The following ATXN2 variants were observed in gnomAD, a reference collection of about 807,000 sequenced individuals.
ATXN2 encodes ataxin 2.
ATXN2 carries 37 observed loss-of-function variants against 138.6 expected under a neutral mutation model. The observed-to-expected ratio is 0.27, with a 90% confidence interval of 0.21 to 0.35. The LOEUF (loss-of-function observed/expected upper bound fraction) is 0.35, where lower values mean the gene tolerates loss of function less well. ATXN2 is among the 10% of genes least tolerant of loss of function. The pLI, the probability that ATXN2 is intolerant of heterozygous loss-of-function variation, is 1.00. For synonymous variants in ATXN2, 549 were observed against 543.7 expected (o/e 1.01, Z -0.13); for missense variants, 1,216 against 1,480.3 (o/e 0.82, Z 2.93).
At chr12:111,471,884 T>TA (rs1876438941) in intron 18 of ATXN2, 2 of 152,100 alleles carry the variant, frequency 1.3e-5, no homozygotes, top group Non-Finnish European at 2.9e-5. Context: ...CCTGTATATT[T>TA]AAAAAATAAT....
At position 111,530,771 on chromosome 12, in the gene ATXN2, G is replaced by A. The variant is rs535921576; in HGVS notation, c.572-5455C>T. Among the ~76,000 whole-genome samples the A allele has an allele frequency of 6.4e-4, 96 of 150,790 alleles. 1 individual carries two copies. Among genetic ancestry groups the A allele is most frequent in the South Asian group, 3.4e-3 (16 of 4,760 alleles). On this transcript the variant is annotated intron_variant, in intron 5 of 24. Coordinates refer to ENST00000673436, the MANE Select transcript of ATXN2 (RefSeq NM_001372574.1). ...AGAGCTTGCAGTGAGCAGAGATCGC[G>A]CCACTGCACTCCAGCCTGGACAACA...
chr12:111,519,034 G>GT (rs1295843892), intron 8 of ATXN2, among the ~76,000 whole-genome samples: 3 of 152,226 alleles, frequency 2.0e-5, no homozygotes, highest in Middle Eastern at 3.4e-3. Context: ...CGGAGTCACT[G>GT]TTTTTCCCCT....
At chr12:111,555,824 G>A in intron 2 of ATXN2, 59 bp downstream of exon 2, 1 of 1,426,784 alleles carries the variant, frequency 7.0e-7, no homozygotes, top group South Asian at 1.2e-5. Flanking sequence ...TTGGTCTGTG[G>A]TTAGAGATCA....
At position 111,592,072 on chromosome 12, in the gene ATXN2, T is replaced by C. The variant is rs574905277; in HGVS notation, c.251+6712A>G. On this transcript the variant is annotated intron_variant, in intron 1 of 24. Coordinates refer to ENST00000673436, the MANE Select transcript of ATXN2 (RefSeq NM_001372574.1). ...ACTCCAGCCTGGGAAAGAGCAAAAC[T>C]GTCTCAAAAAAAAAAAAAACACCTT... Among the ~76,000 whole-genome samples, 14 of 139,430 alleles carry C rather than the reference T, an allele frequency of 1.0e-4. 1 individual carries two copies. In the South Asian group the frequency reaches 2.8e-3, roughly 28 times the overall value. 91.5% of individuals were successfully genotyped at this position (139,430 alleles called of 152,430 possible).
intron 1 of ATXN2, among the ~76,000 whole-genome samples, chr12:111,586,219 C>CTT (rs112320110): frequency 4.3e-5 from 6 of 139,688 alleles, no homozygotes; most frequent in South Asian, 2.3e-4. Flanking sequence ...GTCTTCCAAA[C>CTT]TTTTTTTTTT....
chr12:111,571,042 T>C (rs1484557054), intron 1 of ATXN2, among the ~76,000 whole-genome samples: 2 of 152,228 alleles, frequency 1.3e-5, no homozygotes, highest in Non-Finnish European at 2.9e-5. Context: ...GCTTTAAGCG[T>C]GTTACATGTT....
intron 5 of ATXN2, among the ~76,000 whole-genome samples, chr12:111,536,743 C>A (rs577749628): frequency 5.7e-4 from 87 of 151,620 alleles, no homozygotes; most frequent in Non-Finnish European, 1.1e-3. Context: ...ACACACACAC[C>A]CCCATGAGAA....
At chr12:111,534,571 T>C (rs995421341) in intron 5 of ATXN2, among the ~76,000 whole-genome samples, 4 of 151,590 alleles carry the variant, frequency 2.6e-5, no homozygotes, top group East Asian at 1.9e-4. Context: ...GTTTAATGCA[T>C]TGGGAGAGAG....
intron 1 of ATXN2, among the ~76,000 whole-genome samples, chr12:111,579,412 G>A (rs1334871438): frequency 3.3e-5 from 5 of 151,990 alleles, no homozygotes; most frequent in African/African-American, 9.7e-5. Flanking sequence ...ACAGGCATGC[G>A]CCACCACGCC....
intron 14 of ATXN2, among the ~76,000 whole-genome samples, chr12:111,503,972 T>C (rs1592840342): frequency 6.6e-6 from 1 of 152,204 alleles, no homozygotes. Flanking sequence ...GGCTAAATAA[T>C]ACATTTGGTT....
intron 1 of ATXN2, among the ~76,000 whole-genome samples, chr12:111,576,560 T>C (rs923812438): frequency 2.0e-5 from 3 of 152,106 alleles, no homozygotes; most frequent in African/African-American, 7.2e-5. Flanking sequence ...CTCTGCTCAC[T>C]GCAACCTCTG....
chr12:111,494,350 G>A (rs1878265129), intron 14 of ATXN2, among the ~76,000 whole-genome samples: 1 of 151,798 alleles, frequency 6.6e-6, no homozygotes, highest in Non-Finnish European at 1.5e-5. Context: ...GCTTGTTTTT[G>A]CAATCAAAGT....
chr12:111,470,158 G>C lies in ATXN2; in HGVS notation c.2792C>G (p.Ser931Cys). ...PPTHAQPGLV[S>C]SSATQYGAHE... Reference sequence around the variant, plus strand: ...AGCCCCGTACTGAGTTGCTGAAGAAGATACTAAACCAGGCTGGGCGTGTGT... The same window carrying C: ...AGCCCCGTACTGAGTTGCTGAAGAACATACTAAACCAGGCTGGGCGTGTGT... Residue 931 changes from serine (S) to cysteine (C), a missense_variant, in exon 20 of 25, where the codon TCT (serine) becomes TGT (cysteine). Physicochemically the swap from Ser to Cys is moderately radical, Grantham distance 112 (BLOSUM62 -1). Coordinates refer to ENST00000673436, the MANE Select transcript of ATXN2 (RefSeq NM_001372574.1). The C allele has an allele frequency of 6.2e-7, 1 of 1,614,154 alleles. No homozygotes were observed. Among genetic ancestry groups the C allele is most frequent in the Non-Finnish European group, 8.5e-7 (1 of 1,180,022 alleles).
At chr12:111,580,638 A>G (rs1196325337) in intron 1 of ATXN2, among the ~76,000 whole-genome samples, 1 of 120,948 alleles carries the variant, frequency 8.3e-6, no homozygotes, top group East Asian at 3.0e-4. Context: ...CCTGTCTCTT[A>G]GGAACAAAAG....
chr12:111,517,121 A>T (rs1245009867), intron 9 of ATXN2, among the ~76,000 whole-genome samples: 1 of 152,178 alleles, frequency 6.6e-6, no homozygotes, highest in Non-Finnish European at 1.5e-5. Flanking sequence ...ATCACCAAAT[A>T]AATTTATACT....
At chr12:111,460,810 C>A (rs901035882) in intron 21 of ATXN2, among the ~76,000 whole-genome samples, 1 of 152,046 alleles carries the variant, frequency 6.6e-6, no homozygotes, top group African/African-American at 2.4e-5. Flanking sequence ...TTTTACTATG[C>A]ATTTTTAAAA....
chr12:111,503,300 C>T (rs2135719608), intron 14 of ATXN2, among the ~76,000 whole-genome samples: 1 of 152,332 alleles, frequency 6.6e-6, no homozygotes, highest in African/African-American at 2.4e-5. Context: ...CTGCTAGAAG[C>T]TTAAACACCA....
Position 111,521,122 on chromosome 12 carries a change from G to C in ATXN2, c.697-149C>G, listed in dbSNP as rs1250542850. 3.9e-5 allele frequency: 23 copies of C among 590,974 alleles called. No individual in the cohort carries two copies. The East Asian group carries it at 7.3e-4, about 19-fold the overall frequency. 36.6% of individuals were successfully genotyped at this position (590,974 alleles called of 1,614,324 possible). ...AATAGGAAAAAATTTCCTTAAAAAT[G>C]TTTTAGAAAAATACTTATCAGCCCC... On this transcript the variant is annotated intron_variant, in intron 6 of 24. Coordinates refer to ENST00000673436, the MANE Select transcript of ATXN2 (RefSeq NM_001372574.1).
At chr12:111,571,313 A>T (rs1295372023) in intron 1 of ATXN2, among the ~76,000 whole-genome samples, 1 of 152,246 alleles carries the variant, frequency 6.6e-6, no homozygotes, top group Admixed American at 6.5e-5. Flanking sequence ...AACTTTAGGC[A>T]TTCTCCACAA....
Sources: allele counts gnomAD v4.1 joint callset (sites outside exome capture counted in the v4.1 genomes callset), GRCh38; gene constraint gnomAD v4.1.1; transcripts MANE v1.5; gene names NCBI Gene and HGNC (gene_info 2026-07-23, HGNC 2026-07-21).